Variants in PRKRIP1 observed in about 807,000 individuals in gnomAD.
The protein encoded by PRKRIP1 is PRKR-interacting protein 1.
A neutral mutation model predicts 29.3 loss-of-function variants in PRKRIP1; 29 were observed. That is an observed-to-expected ratio of 0.99 (90% confidence interval 0.74 to 1.35). The LOEUF is 1.35. Among genes scored for constraint, PRKRIP1 ranks in the 40% most tolerant of loss-of-function variants. PRKRIP1 has a pLI of 0.00. For missense variants in PRKRIP1, 247 were observed against 236.8 expected, an observed-to-expected ratio of 1.04 and a Z score of -0.28; for synonymous variants, 90 against 85.1, an observed-to-expected ratio of 1.06 and a Z score of -0.32.
chr7:102,409,801 G>A (rs1379033101), intron 5 of PRKRIP1, among the ~76,000 whole-genome samples: 1 of 152,064 alleles, frequency 6.6e-6, no homozygotes, highest in Admixed American at 6.6e-5. Flanking sequence ...TGCAGCCTGG[G>A]TGACAGAGCA....
In PRKRIP1 at chr7:102,413,688, A is replaced by G. The variant is rs574695848; in HGVS notation, c.457+6190A>G. ...TTCTTTGATTTCAGTTTTTTAATATATAAGCCTTATTTCTATAAATGCCAT... is the reference window on the plus strand; with the variant it reads ...TTCTTTGATTTCAGTTTTTTAATATGTAAGCCTTATTTCTATAAATGCCAT... On this transcript the variant is annotated intron_variant, in intron 5 of 5. Coordinates refer to ENST00000397912, the MANE Select transcript of PRKRIP1 (RefSeq NM_024653.4). Among the ~76,000 whole-genome samples the G allele has an allele frequency of 1.4e-4, 21 of 152,344 alleles. No individual in the cohort carries two copies. In the South Asian group the frequency reaches 3.5e-3, roughly 26 times the overall value.
At chr7:102,424,031 A>G (rs534788722) in intron 5 of PRKRIP1, among the ~76,000 whole-genome samples, 2 of 152,368 alleles carry the variant, frequency 1.3e-5, no homozygotes, top group Admixed American at 1.3e-4. Flanking sequence ...GGATGCCCCA[A>G]ATTAATGAAA....
At chr7:102,411,394 GT>G (rs1175741744) in intron 5 of PRKRIP1, among the ~76,000 whole-genome samples, 1 of 150,896 alleles carries the variant, frequency 6.6e-6, no homozygotes, top group Non-Finnish European at 1.5e-5. Flanking sequence ...TTGTTTGTTT[GT>G]TTGTTTTTAA....
chr7:102,410,385 TC>T (rs1303021466), intron 5 of PRKRIP1, among the ~76,000 whole-genome samples: 1 of 152,166 alleles, frequency 6.6e-6, no homozygotes, highest in Non-Finnish European at 1.5e-5. Context: ...AAAATGCTGT[TC>T]ACGTTGAGTG....
chr7:102,399,360 A>C lies in PRKRIP1; in HGVS notation c.206-188A>C, dbSNP rs1796004132. 2.0e-5 allele frequency among the ~76,000 whole-genome samples: 3 copies of C among 152,190 alleles called. No individual in the cohort carries two copies. In the East Asian group the frequency reaches 5.8e-4, roughly 29 times the overall value. ...TTTAGTGACTTTACATTCAACATTCATAGAACAAATAATTCACGACATCTA... is the reference window on the plus strand; with the variant it reads ...TTTAGTGACTTTACATTCAACATTCCTAGAACAAATAATTCACGACATCTA... On this transcript the variant is annotated intron_variant, in intron 2 of 5. Coordinates refer to ENST00000397912, the MANE Select transcript of PRKRIP1 (RefSeq NM_024653.4).
At chr7:102,424,508 C>G (rs1436177613) in intron 5 of PRKRIP1, among the ~76,000 whole-genome samples, 1 of 152,222 alleles carries the variant, frequency 6.6e-6, no homozygotes, top group Non-Finnish European at 1.5e-5. Flanking sequence ...GGAACCTGTG[C>G]TGCTCACAGG....
intron 5 of PRKRIP1, among the ~76,000 whole-genome samples, chr7:102,417,060 T>G (rs1554573200): frequency 6.6e-6 from 1 of 152,090 alleles, no homozygotes; most frequent in African/African-American, 2.4e-5. Flanking sequence ...TTTCACTGTG[T>G]TAGCCAGGGT....
chr7:102,413,386 C>G (rs1796445063), intron 5 of PRKRIP1, among the ~76,000 whole-genome samples: 1 of 152,222 alleles, frequency 6.6e-6, no homozygotes, highest in South Asian at 2.1e-4. Flanking sequence ...GAAAACTACC[C>G]ACGTCCTTTG....
At chr7:102,422,089 T>G (rs1407224895) in intron 5 of PRKRIP1, among the ~76,000 whole-genome samples, 2 of 151,640 alleles carry the variant, frequency 1.3e-5, no homozygotes, top group African/African-American at 2.4e-5. Context: ...GGGTGAGAGA[T>G]AGACGCCTTT....
At chr7:102,424,076 G>A (rs183822440) in intron 5 of PRKRIP1, among the ~76,000 whole-genome samples, 31 of 152,394 alleles carry the variant, frequency 2.0e-4, no homozygotes, top group African/African-American at 7.2e-4. Context: ...AGCGCCGTGC[G>A]TGTTCTGTGT....
At chr7:102,402,807 C>A (rs1477095055) in intron 3 of PRKRIP1, among the ~76,000 whole-genome samples, 1 of 152,160 alleles carries the variant, frequency 6.6e-6, no homozygotes, top group Non-Finnish European at 1.5e-5. Flanking sequence ...GTGCGGCAGC[C>A]AGCGGGGGCT....
At chr7:102,413,799 T>A (rs1796459761) in intron 5 of PRKRIP1, among the ~76,000 whole-genome samples, 1 of 152,224 alleles carries the variant, frequency 6.6e-6, no homozygotes, top group Non-Finnish European at 1.5e-5. Flanking sequence ...TTTTCTAATC[T>A]ATTCATTCAT....
intron 5 of PRKRIP1, among the ~76,000 whole-genome samples, chr7:102,419,283 G>A (rs1310215038): frequency 1.3e-5 from 2 of 151,830 alleles, no homozygotes; most frequent in Non-Finnish European, 2.9e-5. Flanking sequence ...GCACTGTGGC[G>A]GGCACCTGTT....
At chr7:102,417,149 C>T (rs1340836609) in intron 5 of PRKRIP1, among the ~76,000 whole-genome samples, 2 of 151,844 alleles carry the variant, frequency 1.3e-5, no homozygotes, top group Non-Finnish European at 2.9e-5. Context: ...GCCACCACAC[C>T]TGGCTAATTT....
chr7:102,402,367 G>A (rs1262322334), intron 3 of PRKRIP1, among the ~76,000 whole-genome samples: 2 of 151,914 alleles, frequency 1.3e-5, no homozygotes, highest in Non-Finnish European at 2.9e-5. Flanking sequence ...GAGCCTGGAC[G>A]GTCAAGGCTG....
chr7:102,418,911 G>A (rs528164500), intron 5 of PRKRIP1, among the ~76,000 whole-genome samples: 1 of 151,874 alleles, frequency 6.6e-6, no homozygotes. Flanking sequence ...GCCCAAGCTG[G>A]TCTTGAACTC....
At chr7:102,421,573 C>A (rs1554573750) in intron 5 of PRKRIP1, among the ~76,000 whole-genome samples, 1 of 152,030 alleles carries the variant, frequency 6.6e-6, no homozygotes, top group African/African-American at 2.4e-5. Context: ...CCAAGGTGGG[C>A]AGATCACCAG....
rs1795897456 is a variant in PRKRIP1, at chr7:102,396,425, C to G, written c.14C>G (p.Ala5Gly). The G allele has an allele frequency of 6.3e-7, 1 of 1,585,018 alleles. No homozygotes were observed. Among genetic ancestry groups the G allele is most frequent in the South Asian group, 1.1e-5 (1 of 89,652 alleles). Residue 5 changes from alanine to glycine, a missense_variant, in exon 1 of 6, where the codon GCC becomes GGC. This residue lies in a region of PRKRIP1 where 105 missense variants were observed against 80.2 expected (regional missense o/e 1.31). Transcript: ENST00000397912. MASP[A>G]ASSVRPPRPK... ...TGGAAGGCTGCCATGGCTAGCCCAG[C>G]CGCCTCCTCGGTGCGACCACCGAGG...
chr7:102,399,591 A>G lies in PRKRIP1; in HGVS notation c.249A>G (p.Arg83=). Residue 83 remains arginine (R), a synonymous_variant, in exon 3 of 6, where the codon AGA becomes AGG. Transcript: ENST00000397912. Reference sequence around the variant, plus strand: ...GCAGTGGAGAGTTCCACGTGTACAGACATCTGCGCCGGAGAGAATATCAGC... The same window carrying G: ...GCAGTGGAGAGTTCCACGTGTACAGGCATCTGCGCCGGAGAGAATATCAGC... The part of the protein sequence containing the change: ...GAGSGEFHVY[R]HLRRREYQRQ... 1 of 1,614,138 alleles carries G rather than the reference A, an allele frequency of 6.2e-7. No individual in the cohort carries two copies. The highest frequency in any genetic ancestry group is 8.5e-7 in the Non-Finnish European group (1 of 1,180,012).
Sources: gnomAD v4.1 joint callset for allele counts (sites outside exome capture counted in the v4.1 genomes callset) on GRCh38, gnomAD v4.1.1 for gene constraint, gnomAD v4.1.1 regional missense constraint, MANE v1.5 for transcripts, NCBI Gene and HGNC (gene_info 2026-07-23, HGNC 2026-07-21) for gene names.